Variants in CERKL observed in about 807,000 individuals in gnomAD.
CERKL encodes the protein ceramide kinase-like protein.
Under a neutral mutation model 63.4 loss-of-function variants are expected in CERKL, and 61 were observed. That is an observed-to-expected ratio of 0.96 (90% CI 0.78 to 1.19). CERKL has a LOEUF of 1.19. Ranked by LOEUF, CERKL falls within the 50% of genes most tolerant of loss-of-function variation. The probability of loss-of-function intolerance (pLI) is 0.00; values close to 1 mark genes in which losing one functional copy is unlikely to be tolerated. For missense variants in CERKL, 675 were observed against 655.5 expected, an observed-to-expected ratio of 1.03 and a Z score of -0.33; for synonymous variants, 250 against 230.5, an observed-to-expected ratio of 1.08 and a Z score of -0.77.
chr2:181,546,305 G>T (rs1337223795), intron 10 of CERKL, among the ~76,000 whole-genome samples: 2 of 152,102 alleles, frequency 1.3e-5, no homozygotes, highest in African/African-American at 4.8e-5. Flanking sequence ...TCCCAAGAAG[G>T]TCCTTAAACA....
chr2:181,653,752 G>A (rs961697549), intron 1 of CERKL, among the ~76,000 whole-genome samples: 3 of 152,166 alleles, frequency 2.0e-5, no homozygotes, highest in Non-Finnish European at 2.9e-5. Flanking sequence ...ACTGGGAAGG[G>A]GAGGGGAGAA....
chr2:181,592,784 C>A (rs1432274321), intron 2 of CERKL, among the ~76,000 whole-genome samples: 1 of 152,068 alleles, frequency 6.6e-6, no homozygotes, highest in East Asian at 1.9e-4. Flanking sequence ...AGTTTCTTGT[C>A]TCAGGGATGT....
At chr2:181,596,471 A>G (rs952420781) in intron 2 of CERKL, among the ~76,000 whole-genome samples, 1 of 152,210 alleles carries the variant, frequency 6.6e-6, no homozygotes, top group Non-Finnish European at 1.5e-5. Context: ...GGTAGAGGTT[A>G]TGAGCTAGGG....
intron 1 of CERKL, among the ~76,000 whole-genome samples, chr2:181,636,741 C>G (rs1687195840): frequency 6.6e-6 from 1 of 152,166 alleles, no homozygotes; most frequent in Non-Finnish European, 1.5e-5. Flanking sequence ...CCAAATCATA[C>G]TTCAAGGCCC....
intron 4 of CERKL, among the ~76,000 whole-genome samples, chr2:181,560,180 A>G (rs1368189381): frequency 6.6e-6 from 1 of 152,172 alleles, no homozygotes; most frequent in African/African-American, 2.4e-5. Context: ...TGAGATTTCT[A>G]ATCTGTGAAC....
At chr2:181,568,464 T>C (rs1334163764) in intron 3 of CERKL, among the ~76,000 whole-genome samples, 4 of 152,136 alleles carry the variant, frequency 2.6e-5, no homozygotes, top group Non-Finnish European at 4.4e-5. Context: ...GCCAGTTGTT[T>C]CTGTCTTTAA....
chr2:181,610,516 G>A (rs1484481899), intron 1 of CERKL, among the ~76,000 whole-genome samples: 1 of 152,184 alleles, frequency 6.6e-6, no homozygotes, highest in East Asian at 1.9e-4. Flanking sequence ...ATAGGAGAAT[G>A]GTTGAATAAA....
At chr2:181,589,175 T>C (rs1327366828) in intron 2 of CERKL, among the ~76,000 whole-genome samples, 1 of 152,220 alleles carries the variant, frequency 6.6e-6, no homozygotes, top group Admixed American at 6.5e-5. Flanking sequence ...AATATTTCTA[T>C]TGGTGTATCC....
At chr2:181,554,212 G>A (rs904839484) in intron 5 of CERKL, among the ~76,000 whole-genome samples, 13 of 147,044 alleles carry the variant, frequency 8.8e-5, no homozygotes, top group African/African-American at 3.0e-4. Flanking sequence ...AAGCACTTCT[G>A]CAGAACAATT....
chr2:181,641,588 C>T (rs1024733029), intron 1 of CERKL, among the ~76,000 whole-genome samples: 1 of 152,034 alleles, frequency 6.6e-6, no homozygotes, highest in East Asian at 1.9e-4. Flanking sequence ...ATCAGTTCTA[C>T]ATTCAGGTTC....
chr2:181,604,248 A>T (rs1156967931), intron 1 of CERKL, among the ~76,000 whole-genome samples, 169 bp from the exon 2 acceptor site: 1 of 152,110 alleles, frequency 6.6e-6, no homozygotes, highest in Non-Finnish European at 1.5e-5. Context: ...TGTACAACAA[A>T]CCCCCATGAC....
At chr2:181,586,353 G>A (rs1461721869) in intron 2 of CERKL, among the ~76,000 whole-genome samples, 1 of 151,900 alleles carries the variant, frequency 6.6e-6, no homozygotes, top group Non-Finnish European at 1.5e-5. Flanking sequence ...AAGGCATCAG[G>A]TAGTCATGAC....
Position 181,537,484 on chromosome 2 carries a change from T to C in CERKL, c.*700A>G, listed in dbSNP as rs1236658138. 2.2e-6 allele frequency: 1 copy of C among 452,870 alleles called. No homozygotes were observed. The highest frequency in any genetic ancestry group is 2.0e-5 in the African/African-American group (1 of 49,536). 28.1% of individuals were successfully genotyped at this position (452,870 alleles called of 1,614,324 possible). On this transcript the variant is annotated 3_prime_UTR_variant, in exon 13 of 13. Coordinates refer to ENST00000410087, the MANE Select transcript of CERKL (RefSeq NM_201548.5). Reference sequence around the variant, plus strand: ...ACCACTTTAAGAAGACAGGGATGGGTTATTCTTTTTTGGCAGGTAGGCTAT... The same window carrying C: ...ACCACTTTAAGAAGACAGGGATGGGCTATTCTTTTTTGGCAGGTAGGCTAT...
intron 1 of CERKL, among the ~76,000 whole-genome samples, chr2:181,628,207 A>C (rs911942651): frequency 2.6e-5 from 4 of 152,144 alleles, no homozygotes; most frequent in Non-Finnish European, 5.9e-5. Flanking sequence ...CAACTTCAGA[A>C]ATTTTTGTAA....
chr2:181,586,207 G>C (rs181846963), intron 2 of CERKL, among the ~76,000 whole-genome samples: 153 of 152,188 alleles, frequency 1.0e-3, no homozygotes, highest in African/African-American at 3.0e-3. Context: ...TGAGAAAACA[G>C]ACACACATCC....
chr2:181,638,224 G>A (rs1177101030), intron 1 of CERKL, among the ~76,000 whole-genome samples: 1 of 152,154 alleles, frequency 6.6e-6, no homozygotes, highest in Non-Finnish European at 1.5e-5. Flanking sequence ...GGTACACATA[G>A]GGGAAGTTTT....
rs192823959 is a variant in CERKL at position 181,601,535 on chromosome 2, C to T, written c.481+2302G>A. 2.8e-3 allele frequency among the ~76,000 whole-genome samples: 421 copies of T among 152,266 alleles called. 3 individuals carry two copies. Among genetic ancestry groups the T allele is most frequent in the African/African-American group, 9.1e-3 (380 of 41,552 alleles). On this transcript the variant is annotated intron_variant, in intron 2 of 12. Transcript: ENST00000410087. ...CAAGATCACGCCACTGTACTCCAGC[C>T]AGGGTGACAGAGTGAGACTCCATTT...
chr2:181,573,222 C>G (rs534356445), intron 3 of CERKL, among the ~76,000 whole-genome samples: 5 of 152,234 alleles, frequency 3.3e-5, no homozygotes, highest in Non-Finnish European at 2.9e-5. Flanking sequence ...TTCTATTTTC[C>G]TTGGCACAAA....
intron 2 of CERKL, among the ~76,000 whole-genome samples, chr2:181,597,985 A>T (rs1415558227): frequency 1.3e-5 from 2 of 152,192 alleles, no homozygotes; most frequent in African/African-American, 4.8e-5. Context: ...GGGCAACACC[A>T]TGTCAAGGAA....
Sources: gnomAD v4.1 joint callset for allele counts (sites outside exome capture counted in the v4.1 genomes callset) on GRCh38, gnomAD v4.1.1 for gene constraint, MANE v1.5 for transcripts, NCBI Gene and HGNC (gene_info 2026-07-23, HGNC 2026-07-21) for gene names.